The following ATXN1 variants were observed in gnomAD, a reference collection of about 807,000 sequenced individuals.
The protein encoded by ATXN1 is ataxin-1.
In ATXN1, 8 loss-of-function variants were observed where a neutral mutation model predicts 56.4. The ratio of observed to expected loss-of-function variants is 0.14; its 90% CI spans 0.08 to 0.26. The LOEUF is 0.26. ATXN1 is among the 10% of genes least tolerant of loss of function. The pLI, the probability that ATXN1 is intolerant of heterozygous loss-of-function variation, is 1.00. For missense variants in ATXN1, 987 were observed against 1,106.5 expected, an observed-to-expected ratio of 0.89 and a Z score of 1.53; for synonymous variants, 514 against 494.6, an observed-to-expected ratio of 1.04 and a Z score of -0.52.
At chr6:16,720,495 A>C (rs1239884852) in intron 2 of ATXN1, among the ~76,000 whole-genome samples, 2 of 152,174 alleles carry the variant, frequency 1.3e-5, no homozygotes, top group African/African-American at 2.4e-5. Flanking sequence ...AGAATGAATA[A>C]ATTATTTTTC....
Position 16,715,486 on chromosome 6 carries a change from T to C in ATXN1, c.-615+37747A>G, listed in dbSNP as rs115157301. Among the ~76,000 whole-genome samples the C allele has an allele frequency of 8.4e-3, 1,280 of 152,306 alleles. 17 individuals are homozygous for C. The highest frequency in any genetic ancestry group is 0.028 in the African/African-American group (1,168 of 41,564). ...TTCTTCAATCAAAAATGTTGCAGACTTCAGGCACTAGATGTTTAACTCTTA... is the reference window on the plus strand; with the variant it reads ...TTCTTCAATCAAAAATGTTGCAGACCTCAGGCACTAGATGTTTAACTCTTA... On this transcript the variant is annotated intron_variant, in intron 2 of 7. Transcript: ENST00000436367.
At chr6:16,524,734 G>A (rs1057107766) in intron 4 of ATXN1, among the ~76,000 whole-genome samples, 3 of 152,210 alleles carry the variant, frequency 2.0e-5, no homozygotes, top group African/African-American at 7.2e-5. Context: ...GAAAGACACA[G>A]GAGAGACTTT....
intron 6 of ATXN1, among the ~76,000 whole-genome samples, chr6:16,439,769 G>A (rs1324258946): frequency 6.6e-6 from 1 of 152,112 alleles, no homozygotes; most frequent in Admixed American, 6.6e-5. Flanking sequence ...ATCTTCTCAA[G>A]CACTATTAAA....
intron 2 of ATXN1, among the ~76,000 whole-genome samples, chr6:16,683,757 C>T (rs891790111): frequency 6.6e-6 from 1 of 152,224 alleles, no homozygotes; most frequent in Non-Finnish European, 1.5e-5. Context: ...AGAGAGTTTT[C>T]TTCCTGGCAA....
intron 6 of ATXN1, among the ~76,000 whole-genome samples, chr6:16,413,345 G>GT (rs60385649): frequency 0.11 from 16,881 of 148,078 alleles, 986 homozygotes; most frequent in Non-Finnish European, 0.13. Flanking sequence ...CACTGTTTTT[G>GT]TTTTTTTTTT....
intron 6 of ATXN1, among the ~76,000 whole-genome samples, chr6:16,457,502 C>G (rs1581776502): frequency 6.6e-6 from 1 of 152,040 alleles, no homozygotes; most frequent in East Asian, 1.9e-4. Context: ...CCCGCAAACC[C>G]TGAAAAAGAA....
chr6:16,552,309 T>A (rs1286150944), intron 4 of ATXN1, among the ~76,000 whole-genome samples: 1 of 152,196 alleles, frequency 6.6e-6, no homozygotes, highest in Non-Finnish European at 1.5e-5. Flanking sequence ...CCTAAATCCT[T>A]ATGAAGCCAT....
Position 16,487,041 on chromosome 6 carries a change from A to AT in ATXN1, c.-298-933dup, listed in dbSNP as rs976413684. Among the ~76,000 whole-genome samples the AT allele has an allele frequency of 3.3e-5, 5 of 152,090 alleles. No individual in the cohort carries two copies. The South Asian group carries it at 6.2e-4, about 19-fold the overall frequency. On this transcript the variant is annotated intron_variant, in intron 5 of 7. Coordinates refer to ENST00000436367, the MANE Select transcript of ATXN1 (RefSeq NM_001128164.2). ...ATATTTTCCACACCTGGATTTCTTG[A>AT]TTTTTTTCCCCCTTTCAAGGCTGAC...
chr6:16,424,096 C>G (rs916325234), intron 6 of ATXN1, among the ~76,000 whole-genome samples: 2 of 152,134 alleles, frequency 1.3e-5, no homozygotes, highest in African/African-American at 4.8e-5. Context: ...GTGAAAAGAC[C>G]ATGTCTTATC....
chr6:16,491,980 G>A (rs916453443), intron 5 of ATXN1, among the ~76,000 whole-genome samples: 1 of 152,012 alleles, frequency 6.6e-6, no homozygotes, highest in East Asian at 1.9e-4. Context: ...TTGGTCCTAC[G>A]ACCACAAGAA....
At position 16,300,812 on chromosome 6, in the gene ATXN1, A is replaced by G. The variant is rs1281217295; in HGVS notation, c.*5517T>C. On this transcript the variant is annotated 3_prime_UTR_variant, in exon 8 of 8. Transcript: ENST00000436367. ...AAATGTCAAACATCATCTCTGAAGA[A>G]AAAGAAGTTGCAATGGCTTAAGAGT... 2.0e-5 allele frequency: 3 copies of G among 152,774 alleles called. No individual in the cohort carries two copies. Among genetic ancestry groups the G allele is most frequent in the Non-Finnish European group, 4.4e-5 (3 of 68,038 alleles). 9.5% of individuals were successfully genotyped at this position (152,774 alleles called of 1,614,324 possible). A position where few individuals can be genotyped will look rare whatever the true frequency, so the allele number is the denominator to read the frequency against.
chr6:16,501,097 G>A (rs1390287208), intron 5 of ATXN1, among the ~76,000 whole-genome samples: 1 of 152,172 alleles, frequency 6.6e-6, no homozygotes. Context: ...GTAGGTTTGT[G>A]CATGTGCGTG....
At chr6:16,362,059 G>GGTC (rs1761818881) in intron 6 of ATXN1, among the ~76,000 whole-genome samples, 1 of 152,164 alleles carries the variant, frequency 6.6e-6, no homozygotes, top group African/African-American at 2.4e-5. Context: ...GGGTGAGCCG[G>GGTC]GTCAGCCCTG....
At chr6:16,525,731 T>C (rs1330317782) in intron 4 of ATXN1, among the ~76,000 whole-genome samples, 1 of 152,084 alleles carries the variant, frequency 6.6e-6, no homozygotes, top group Admixed American at 6.6e-5. Flanking sequence ...CTTCATGATG[T>C]GTTTATTTTA....
chr6:16,360,587 G>A (rs1761787920), intron 6 of ATXN1, among the ~76,000 whole-genome samples: 1 of 152,168 alleles, frequency 6.6e-6, no homozygotes, highest in Admixed American at 6.5e-5. Flanking sequence ...TTTAAGAGAA[G>A]TAAGCCTCTT....
intron 2 of ATXN1, among the ~76,000 whole-genome samples, chr6:16,731,441 T>C (rs942169826): frequency 1.5e-5 from 2 of 136,540 alleles, no homozygotes; most frequent in African/African-American, 6.3e-5. Context: ...GAGAGAGGCT[T>C]TTTTTTTCTT....
rs1243206488 is a variant in ATXN1 at position 16,308,322 on chromosome 6, T to TCTCACACACACACA, written c.1918-1464_1918-1463insTGTGTGTGTGTGAG. Reference sequence around the variant, plus strand: ...GCCTGGGCGACAGAGTGAAACTCCGTCACACACACACACACACACACACAC... The same window carrying TCTCACACACACACA: ...GCCTGGGCGACAGAGTGAAACTCCGTCTCACACACACACACACACACACACACACACACACACAC... On this transcript the variant is annotated intron_variant, in intron 7 of 7. Transcript: ENST00000436367. 2.0e-4 allele frequency among the ~76,000 whole-genome samples: 27 copies of TCTCACACACACACA among 132,728 alleles called. No homozygotes were observed. The East Asian group carries it at 4.2e-3, about 21-fold the overall frequency. 87.1% of individuals were successfully genotyped at this position (132,728 alleles called of 152,430 possible).
intron 6 of ATXN1, among the ~76,000 whole-genome samples, chr6:16,337,238 G>C (rs1369065920): frequency 1.3e-5 from 2 of 152,222 alleles, no homozygotes; most frequent in Non-Finnish European, 1.5e-5. Flanking sequence ...ATTGCTATTC[G>C]TAGTGAGCAG....
chr6:16,717,669 A>G (rs191855975), intron 2 of ATXN1, among the ~76,000 whole-genome samples: 42 of 152,344 alleles, frequency 2.8e-4, no homozygotes, highest in Non-Finnish European at 5.3e-4. Context: ...ACATTCTGGC[A>G]TAACGATCTC....
Sources: allele counts gnomAD v4.1 joint callset (sites outside exome capture counted in the v4.1 genomes callset), GRCh38; gene constraint gnomAD v4.1.1; transcripts MANE v1.5; gene names NCBI Gene and HGNC (gene_info 2026-07-23, HGNC 2026-07-21).